Variants in PTPRK observed in about 807,000 individuals in gnomAD.
PTPRK encodes the protein receptor-type tyrosine-protein phosphatase kappa.
In PTPRK, 75 loss-of-function variants were observed where a neutral mutation model predicts 178.0. The observed-to-expected ratio is 0.42, with a 90% confidence interval of 0.35 to 0.51. PTPRK has a LOEUF of 0.51. Ranked by LOEUF, PTPRK falls within the 20% of genes least tolerant of loss-of-function variation. The pLI is 0.02. For synonymous variants in PTPRK, 637 were observed against 620.6 expected (o/e 1.03, Z -0.39); for missense variants, 1,441 against 1,797.8 (o/e 0.80, Z 3.59).
intron 11 of PTPRK, among the ~76,000 whole-genome samples, chr6:128,074,757 G>T (rs78701023): frequency 6.6e-6 from 1 of 152,060 alleles, no homozygotes; most frequent in Admixed American, 6.6e-5. Context: ...AAGCAGTAAT[G>T]GGTAACAGAA....
chr6:128,311,595 C>G (rs1375056167), intron 3 of PTPRK, among the ~76,000 whole-genome samples: 1 of 152,096 alleles, frequency 6.6e-6, no homozygotes, highest in Non-Finnish European at 1.5e-5. Flanking sequence ...GCTATCTATG[C>G]CTTATAATTG....
intron 7 of PTPRK, among the ~76,000 whole-genome samples, chr6:128,140,250 A>C (rs1795582189): frequency 6.6e-6 from 1 of 152,100 alleles, no homozygotes; most frequent in Non-Finnish European, 1.5e-5. Context: ...AGTCAGATCA[A>C]CAAATTAAGG....
chr6:128,248,592 T>C (rs1815897240), intron 3 of PTPRK, among the ~76,000 whole-genome samples: 1 of 152,102 alleles, frequency 6.6e-6, no homozygotes. Flanking sequence ...ACTGGCCAAA[T>C]ACTACATAAA....
chr6:128,224,835 C>T (rs541168819), intron 5 of PTPRK, among the ~76,000 whole-genome samples: 1 of 152,244 alleles, frequency 6.6e-6, no homozygotes, highest in African/African-American at 2.4e-5. Flanking sequence ...TGATTCATCA[C>T]CATAAGGCAG....
At chr6:128,276,788 G>C (rs1820791785) in intron 3 of PTPRK, among the ~76,000 whole-genome samples, 1 of 151,988 alleles carries the variant, frequency 6.6e-6, no homozygotes, top group South Asian at 2.1e-4. Context: ...TCTAAGTTGT[G>C]GGCACCGATG....
At chr6:128,299,994 A>C (rs1289957516) in intron 3 of PTPRK, among the ~76,000 whole-genome samples, 1 of 152,188 alleles carries the variant, frequency 6.6e-6, no homozygotes, top group Non-Finnish European at 1.5e-5. Flanking sequence ...GCTAATATCC[A>C]GAATCTACAA....
chr6:128,030,493 T>G (rs1279438429), intron 13 of PTPRK, among the ~76,000 whole-genome samples: 2 of 152,236 alleles, frequency 1.3e-5, no homozygotes, highest in African/African-American at 4.8e-5. Context: ...TAGACGGTCC[T>G]TAAAACCTGA....
chr6:128,065,735 T>C (rs1359763327), intron 12 of PTPRK, among the ~76,000 whole-genome samples: 1 of 152,186 alleles, frequency 6.6e-6, no homozygotes, highest in Non-Finnish European at 1.5e-5. Context: ...TAATTAAAAA[T>C]AAAATGTTGC....
At chr6:128,014,938 C>T (rs755446910) in intron 13 of PTPRK, among the ~76,000 whole-genome samples, 2 of 151,668 alleles carry the variant, frequency 1.3e-5, no homozygotes, top group East Asian at 1.9e-4. Flanking sequence ...CTAAATGCCA[C>T]GTGCTTTAAC....
intron 3 of PTPRK, among the ~76,000 whole-genome samples, chr6:128,243,114 T>C (rs1814762836): frequency 6.6e-6 from 1 of 152,034 alleles, no homozygotes; most frequent in African/African-American, 2.4e-5. Context: ...AAGATTGGGA[T>C]GGCATGTTTG....
At chr6:127,985,204 A>G (rs912187206) in intron 22 of PTPRK, among the ~76,000 whole-genome samples, 2 of 152,128 alleles carry the variant, frequency 1.3e-5, no homozygotes, top group Admixed American at 1.3e-4. Context: ...GTTTTTTGGC[A>G]TATATTTGCT....
intron 7 of PTPRK, among the ~76,000 whole-genome samples, chr6:128,126,759 G>A (rs1485722192): frequency 6.6e-6 from 1 of 152,208 alleles, no homozygotes; most frequent in Non-Finnish European, 1.5e-5. Flanking sequence ...AAAGTGCTGA[G>A]GTTATAGGGG....
intron 7 of PTPRK, among the ~76,000 whole-genome samples, chr6:128,149,544 T>C (rs1021380116): frequency 6.6e-6 from 1 of 152,278 alleles, no homozygotes; most frequent in African/African-American, 2.4e-5. Flanking sequence ...TCTAATCTAG[T>C]AGTCACTGTG....
chr6:128,106,521 C>A (rs1308983102), intron 7 of PTPRK, among the ~76,000 whole-genome samples: 1 of 151,040 alleles, frequency 6.6e-6, no homozygotes, highest in Non-Finnish European at 1.5e-5. Flanking sequence ...AAACAACTAA[C>A]TTGAAAAAAA....
chr6:128,475,534 G>A (rs1296186363), intron 1 of PTPRK, among the ~76,000 whole-genome samples: 1 of 152,072 alleles, frequency 6.6e-6, no homozygotes, highest in African/African-American at 2.4e-5. Context: ...AGAAGACATA[G>A]GTATGAGAGA....
chr6:128,189,471 C>T (rs1373406085), intron 6 of PTPRK, among the ~76,000 whole-genome samples: 1 of 151,736 alleles, frequency 6.6e-6, no homozygotes, highest in Non-Finnish European at 1.5e-5. Context: ...AAACTCCTGA[C>T]CTTGTGATCC....
intron 9 of PTPRK, 73 bp from the exon 10 acceptor site, chr6:128,082,711 A>C: frequency 8.4e-7 from 1 of 1,195,178 alleles, no homozygotes; most frequent in Non-Finnish European, 1.2e-6. Flanking sequence ...CTGTATAAAT[A>C]AGGTAGTATG....
At chr6:128,301,190 A>C (rs1165694949) in intron 3 of PTPRK, among the ~76,000 whole-genome samples, 6 of 152,222 alleles carry the variant, frequency 3.9e-5, no homozygotes, top group African/African-American at 1.4e-4. Flanking sequence ...TCTATTTTTA[A>C]TAAAGCCACA....
intron 13 of PTPRK, 71 bp from the exon 14 acceptor site, chr6:128,009,339 AT>A (rs1487211533): frequency 9.8e-6 from 14 of 1,423,628 alleles, no homozygotes; most frequent in Non-Finnish European, 1.3e-5. Context: ...ATTCCCAGTA[AT>A]TACCTCCAAG....
Sources: allele counts gnomAD v4.1 joint callset (sites outside exome capture counted in the v4.1 genomes callset), GRCh38; gene constraint gnomAD v4.1.1; transcripts MANE v1.5; gene names NCBI Gene and HGNC (gene_info 2026-07-23, HGNC 2026-07-21).